Variants in TLN2 observed in about 807,000 individuals in gnomAD.
TLN2 encodes talin-2.
A neutral mutation model predicts 294.7 loss-of-function variants in TLN2; 118 were observed. The observed-to-expected ratio is 0.40, with a 90% confidence interval of 0.34 to 0.47. The LOEUF is 0.47. Among genes scored for constraint, TLN2 ranks in the 20% least tolerant of loss-of-function variants. TLN2 has a pLI of 0.84. For synonymous variants in TLN2, 1,431 were observed against 1,304.5 expected, an observed-to-expected ratio of 1.10 and a Z score of -2.09; for missense variants, 3,083 against 3,282.2, an observed-to-expected ratio of 0.94 and a Z score of 1.48.
intron 54 of TLN2, among the ~76,000 whole-genome samples, chr15:62,826,981 G>C (rs973491090): frequency 2.0e-5 from 3 of 152,180 alleles, no homozygotes; most frequent in Admixed American, 2.0e-4. Context: ...GACCCCACTG[G>C]AAAGATGACA....
chr15:62,769,063 C>G (rs1259143145), intron 41 of TLN2, among the ~76,000 whole-genome samples: 1 of 152,236 alleles, frequency 6.6e-6, no homozygotes, highest in Non-Finnish European at 1.5e-5. Context: ...GGGAGCCGGG[C>G]TCCCATTTAG....
At chr15:62,820,768 G>A (rs956992917) in intron 54 of TLN2, among the ~76,000 whole-genome samples, 158 bp downstream of exon 54, 1 of 152,160 alleles carries the variant, frequency 6.6e-6, no homozygotes, top group Non-Finnish European at 1.5e-5. Flanking sequence ...CTGCTTTAGA[G>A]TATGGGGGTA....
At chr15:62,527,236 T>C (rs1385456315) in intron 1 of TLN2, among the ~76,000 whole-genome samples, 1 of 152,140 alleles carries the variant, frequency 6.6e-6, no homozygotes, top group Non-Finnish European at 1.5e-5. Flanking sequence ...GGGATCATTT[T>C]AGGTGGTGAT....
chr15:62,710,720 C>CTTTTTTTTTTTTTTTTTTTTT, intron 21 of TLN2, among the ~76,000 whole-genome samples: 1 of 77,046 alleles, frequency 1.3e-5, no homozygotes, highest in Non-Finnish European at 2.4e-5. Flanking sequence ...TGCTGATGTC[C>CTTTTTTTTTTTTTTTTTTTTT]TTTTTTTTTT....
Position 62,708,542 on chromosome 15 carries a change from AG to A in TLN2, c.2214del (p.Gln738HisfsTer2). On this transcript the variant is annotated frameshift_variant, in exon 21 of 59. Transcript: ENST00000636159. LOFTEE classifies it high-confidence loss of function. ...PTISSPVCQEQLIEAGKLVDR... is the reference protein window; with the variant it reads ...PTISSPVCQEXLIEAGKLVDR... ...ATTAGCTCCCCTGTGTGCCAGGAGC[AG>A]CTGATTGAAGCAGGGAAGCTGGTGG... 1 of 1,614,124 alleles carries A rather than the reference AG, an allele frequency of 6.2e-7. No individual in the cohort carries two copies. The highest frequency in any genetic ancestry group is 1.1e-5 in the South Asian group (1 of 91,084).
intron 31 of TLN2, 38 bp downstream of exon 31, chr15:62,739,583 C>T (rs1453580255): frequency 2.5e-6 from 4 of 1,608,906 alleles, no homozygotes; most frequent in African/African-American, 1.3e-5. Flanking sequence ...TGACCTTAGC[C>T]TCTCCTCTCG....
At chr15:62,818,836 T>TA (rs917099701) in intron 52 of TLN2, among the ~76,000 whole-genome samples, 7 of 90,400 alleles carry the variant, frequency 7.7e-5, no homozygotes, top group African/African-American at 3.0e-4. Context: ...TGTTCTTTTT[T>TA]TTTTTATTTT....
intron 3 of TLN2, among the ~76,000 whole-genome samples, chr15:62,625,653 T>C (rs1056084158): frequency 1.3e-5 from 2 of 152,044 alleles, no homozygotes; most frequent in Admixed American, 6.6e-5. Context: ...AGCATATGTG[T>C]TGGGGGCTGA....
intron 1 of TLN2, among the ~76,000 whole-genome samples, chr15:62,452,969 C>T (rs1228466626): frequency 6.6e-6 from 1 of 152,180 alleles, no homozygotes; most frequent in Non-Finnish European, 1.5e-5. Flanking sequence ...AGATAAAATG[C>T]AGGCTGCCCA....
intron 24 of TLN2, among the ~76,000 whole-genome samples, chr15:62,718,827 C>G (rs1256358804): frequency 6.6e-6 from 1 of 152,208 alleles, no homozygotes; most frequent in Admixed American, 6.5e-5. Flanking sequence ...CGCCCCTCTT[C>G]TGCAGAGAGA....
intron 18 of TLN2, 113 bp downstream of exon 18, chr15:62,702,313 TTC>T (rs1469788918): frequency 1.7e-6 from 2 of 1,198,068 alleles, no homozygotes; most frequent in Non-Finnish European, 2.3e-6. Context: ...TGGGGTGTGT[TTC>T]TCTCTGCAGG....
chr15:62,422,508 C>T (rs2034472019), intron 1 of TLN2, among the ~76,000 whole-genome samples: 1 of 152,160 alleles, frequency 6.6e-6, no homozygotes, highest in Admixed American at 6.6e-5. Context: ...TAATTGTCTA[C>T]CCAAATTATC....
chr15:62,486,457 T>G lies in TLN2; in HGVS notation c.-238+95772T>G, dbSNP rs12594015. On this transcript the variant is annotated intron_variant, in intron 1 of 58. Coordinates refer to ENST00000636159, the MANE Select transcript of TLN2 (RefSeq NM_015059.3). ...TAATCAGGAACAGTTCCTTTGTTTT[T>G]TTTTTTTTTTTTTTTTTTGCCATTC... is the stretch of plus-strand genomic sequence containing the variant. Among the ~76,000 whole-genome samples, 700 of 121,764 alleles carry G rather than the reference T, an allele frequency of 5.7e-3. 8 individuals carry two copies. Among genetic ancestry groups the G allele is most frequent in the African/African-American group, 0.017 (632 of 36,842 alleles). 79.9% of individuals were successfully genotyped at this position (121,764 alleles called of 152,430 possible). A position where few individuals can be genotyped will look rare whatever the true frequency, so the allele number is the denominator to read the frequency against.
chr15:62,461,292 C>T (rs1380597787), intron 1 of TLN2, among the ~76,000 whole-genome samples: 1 of 152,084 alleles, frequency 6.6e-6, no homozygotes. Flanking sequence ...CCCAGTGTGT[C>T]CTCTTGTTTC....
At chr15:62,492,543 C>CAAAAAA (rs35935035) in intron 1 of TLN2, among the ~76,000 whole-genome samples, 3 of 84,636 alleles carry the variant, frequency 3.5e-5, no homozygotes, top group South Asian at 3.7e-4. Flanking sequence ...GACTCTGTCT[C>CAAAAAA]AAAAAAAAAA....
chr15:62,819,385 A>C, intron 52 of TLN2, 131 bp from the exon 53 acceptor site: 1 of 705,254 alleles, frequency 1.4e-6, no homozygotes. Context: ...CAAGGCTCTG[A>C]AGTCACTTGG....
intron 1 of TLN2, among the ~76,000 whole-genome samples, chr15:62,554,063 G>A (rs1166190234): frequency 6.6e-6 from 1 of 151,584 alleles, no homozygotes; most frequent in African/African-American, 2.4e-5. Context: ...AGGTAGATAA[G>A]TAGTTAATGA....
At chr15:62,701,068 G>C in intron 16 of TLN2, 38 bp from the exon 17 acceptor site, 2 of 1,573,100 alleles carry the variant, frequency 1.3e-6, no homozygotes, top group Non-Finnish European at 1.7e-6. Flanking sequence ...GGGTAATTCT[G>C]TGCTGTGATT....
At chr15:62,762,551 A>G (rs1481745714) in intron 39 of TLN2, 98 bp downstream of exon 39, 14 of 1,315,146 alleles carry the variant, frequency 1.1e-5, no homozygotes, top group Middle Eastern at 5.4e-4. Flanking sequence ...GATATTGTTG[A>G]TCATTATCAT....
Sources: allele counts gnomAD v4.1 joint callset (sites outside exome capture counted in the v4.1 genomes callset), GRCh38; gene constraint gnomAD v4.1.1; transcripts MANE v1.5; gene names NCBI Gene and HGNC (gene_info 2026-07-23, HGNC 2026-07-21).